The following ZFP91 variants were observed in gnomAD, a reference collection of about 807,000 sequenced individuals.
The protein encoded by ZFP91 is E3 ubiquitin-protein ligase ZFP91.
Under a neutral mutation model 63.5 loss-of-function variants are expected in ZFP91, and 7 were observed. The observed-to-expected ratio is 0.11, with a 90% CI of 0.06 to 0.21. The LOEUF (loss-of-function observed/expected upper bound fraction) is 0.21. Among genes scored for constraint, ZFP91 ranks in the 10% least tolerant of loss-of-function variants. The pLI, the probability that ZFP91 is intolerant of heterozygous loss-of-function variation, is 1.00. For missense variants in ZFP91, 628 were observed against 736.6 expected (o/e 0.85, Z 1.71); for synonymous variants, 330 against 272.1 (o/e 1.21, Z -2.10).
Position 58,621,357 on chromosome 11 carries a change from C to T in ZFP91, c.*3651C>T, listed in dbSNP as rs754446215. ...GAGGTTAATTTTACCCTGATAATGA[C>T]AAAACCTTGATAGCATTTAATATTA... On this transcript the variant is annotated 3_prime_UTR_variant, in exon 11 of 11. Coordinates refer to ENST00000316059, the MANE Select transcript of ZFP91 (RefSeq NM_053023.5). Among the ~76,000 whole-genome samples the T allele has an allele frequency of 3.9e-5, 6 of 152,154 alleles. No individual in the cohort carries two copies. Among genetic ancestry groups the T allele is most frequent in the Non-Finnish European group, 8.8e-5 (6 of 68,022 alleles).
intron 1 of ZFP91, among the ~76,000 whole-genome samples, chr11:58,580,797 CA>C: frequency 6.6e-6 from 1 of 152,280 alleles, no homozygotes; most frequent in Middle Eastern, 3.4e-3. Context: ...GCTAAGTTAA[CA>C]TAATTTAGAG....
At chr11:58,579,716 G>T in intron 1 of ZFP91, 94 bp downstream of exon 1, 5 of 1,224,436 alleles carry the variant, frequency 4.1e-6, no homozygotes, top group South Asian at 1.7e-5. Flanking sequence ...GTGACATCCT[G>T]CCTGGTCTGC....
intron 9 of ZFP91, among the ~76,000 whole-genome samples, chr11:58,615,367 A>C (rs1426267086): frequency 6.6e-6 from 1 of 152,112 alleles, no homozygotes; most frequent in Non-Finnish European, 1.5e-5. Flanking sequence ...ATACTGTTTT[A>C]TGCCATAGAA....
chr11:58,619,557 A>G lies in ZFP91; in HGVS notation c.*1851A>G, dbSNP rs1264170374. The G allele has an allele frequency of 2.6e-5, 4 of 152,530 alleles. No homozygotes were observed. The highest frequency in any genetic ancestry group is 7.2e-5 in the African/African-American group (3 of 41,412). The allele number at this position is 152,530 out of a possible 1,614,324, so 9.4% of individuals were successfully genotyped here. A position where few individuals can be genotyped will look rare whatever the true frequency, so the allele number is the denominator to read the frequency against. On this transcript the variant is annotated 3_prime_UTR_variant, in exon 11 of 11. Transcript: ENST00000316059. ...TTTTCAAAGAATTCTTTTTTCCCAA[A>G]AAGAGGAGTAACAAAATGTCATTTC...
chr11:58,609,900 A>T lies in ZFP91; in HGVS notation c.441A>T (p.Arg147Ser). 6.2e-7 allele frequency: 1 copy of T among 1,614,178 alleles called. No individual in the cohort carries two copies. The highest frequency in any genetic ancestry group is 1.1e-5 in the South Asian group (1 of 91,080). Reference sequence around the variant, plus strand: ...AGGAAGTTTCCATTGCTGCATCTAGACCTAGCCGGGGCTGGCGTAGTAGTA... The same window carrying T: ...AGGAAGTTTCCATTGCTGCATCTAGTCCTAGCCGGGGCTGGCGTAGTAGTA... ...LPQEVSIAAS[R>S]PSRGWRSSRT... is the part of the protein sequence containing the mutation. The change falls in exon 3 of 11, where the codon AGA becomes AGT. Residue 147 changes from arginine to serine, a missense_variant. Arg to Ser is a moderately radical substitution (Grantham distance 110). Coordinates refer to ENST00000316059, the MANE Select transcript of ZFP91 (RefSeq NM_053023.5).
intron 2 of ZFP91, among the ~76,000 whole-genome samples, chr11:58,593,351 T>A (rs1855340754): frequency 6.6e-6 from 1 of 152,212 alleles, no homozygotes; most frequent in Admixed American, 6.5e-5. Flanking sequence ...TAGGCTACAA[T>A]AAATTTATAC....
chr11:58,579,584 CCCGTCT>C lies in ZFP91; in HGVS notation c.306_311del (p.Ser103_Pro104del), dbSNP rs1855056975. 1.3e-6 allele frequency: 2 copies of C among 1,582,356 alleles called. No homozygotes were observed. Among genetic ancestry groups the C allele is most frequent in the South Asian group, 1.1e-5 (1 of 88,746 alleles). ...GGCAGCAGCCCCAGGCCGCGAAGTC[CCCGTCT>C]CCAGTTCAGGGCAAGAAGAGTCCGC... On this transcript the variant is annotated inframe_deletion, in exon 1 of 11. Transcript: ENST00000316059.
rs557395119 is a variant in ZFP91, at chr11:58,608,913, T to C, written c.371-917T>C. On this transcript the variant is annotated intron_variant, in intron 2 of 10. Coordinates refer to ENST00000316059, the MANE Select transcript of ZFP91 (RefSeq NM_053023.5). ...CCACTGAGCCCGGCCTGTTAGTTCC[T>C]ATTTTTCTATTGGGTTATTAGACTT... Among the ~76,000 whole-genome samples, 101 of 152,344 alleles carry C rather than the reference T, an allele frequency of 6.6e-4. 1 individual carries two copies. Among genetic ancestry groups the C allele is most frequent in the African/African-American group, 2.4e-3 (99 of 41,588 alleles).
At chr11:58,595,394 T>C (rs898838531) in intron 2 of ZFP91, among the ~76,000 whole-genome samples, 12 of 152,178 alleles carry the variant, frequency 7.9e-5, no homozygotes, top group Admixed American at 2.0e-4. Context: ...TTGATTATGT[T>C]AGAATGGCCC....
rs1164479714 is a variant in ZFP91 at position 58,617,790 on chromosome 11, A to C, written c.*84A>C. 12 of 1,435,612 alleles carry C rather than the reference A, an allele frequency of 8.4e-6. No individual in the cohort carries two copies. The highest frequency in any genetic ancestry group is 1.0e-5 in the Non-Finnish European group (11 of 1,101,084). The allele number at this position is 1,435,612 out of a possible 1,614,324, so 88.9% of individuals were successfully genotyped here. On this transcript the variant is annotated 3_prime_UTR_variant, in exon 11 of 11. Coordinates refer to ENST00000316059, the MANE Select transcript of ZFP91 (RefSeq NM_053023.5). This position sits in a 1 kb window ranked among gnomAD's most constrained non-coding sequence, Gnocchi z 4.2. ...GACAAAAAAAAAATCTAAAGCATTT[A>C]AAATCTAGTGAAATAACTGAAGGGC...
chr11:58,610,896 C>T, intron 4 of ZFP91, 54 bp from the exon 5 acceptor site: 5 of 1,541,120 alleles, frequency 3.2e-6, no homozygotes, highest in South Asian at 1.1e-5. Flanking sequence ...ATAAAATCCC[C>T]TCAGACATGT....
chr11:58,594,355 C>A (rs1855360824), intron 2 of ZFP91, among the ~76,000 whole-genome samples: 1 of 152,172 alleles, frequency 6.6e-6, no homozygotes, highest in Non-Finnish European at 1.5e-5. Flanking sequence ...TTTATTTAAA[C>A]TTAAATGTTG....
chr11:58,603,702 A>G (rs1000620672), intron 2 of ZFP91, among the ~76,000 whole-genome samples: 1 of 152,176 alleles, frequency 6.6e-6, no homozygotes, highest in South Asian at 2.1e-4. Context: ...TCCCCAGTGG[A>G]CTCAGAGTAC....
intron 2 of ZFP91, among the ~76,000 whole-genome samples, chr11:58,609,243 C>T (rs1051046085): frequency 5.3e-5 from 8 of 152,278 alleles, no homozygotes; most frequent in African/African-American, 1.9e-4. Context: ...TGTGTGTGCT[C>T]CTGTACACAA....
At chr11:58,582,805 A>C (rs1855141569) in intron 1 of ZFP91, among the ~76,000 whole-genome samples, 1 of 152,198 alleles carries the variant, frequency 6.6e-6, no homozygotes, top group Non-Finnish European at 1.5e-5. Flanking sequence ...TTCTTTTCAC[A>C]ATGAACTATT....
At chr11:58,606,045 A>C (rs1024372239) in intron 2 of ZFP91, among the ~76,000 whole-genome samples, 2 of 151,886 alleles carry the variant, frequency 1.3e-5, no homozygotes, top group East Asian at 3.9e-4. Context: ...TCTCAGCTCT[A>C]GAATTTTTTT....
Position 58,579,553 on chromosome 11 carries a change from T to C in ZFP91, c.272T>C (p.Val91Ala). 1.3e-6 allele frequency: 2 copies of C among 1,583,560 alleles called. No individual in the cohort carries two copies. The highest frequency in any genetic ancestry group is 2.5e-5 in the East Asian group (1 of 40,434). ...RSSPSARPPD[V>A]PGQQPQAAKS... ...AGCCCCAGCGCCAGGCCTCCCGACG[T>C]CCCCGGGCAGCAGCCCCAGGCCGCG... Residue 91 changes from valine to alanine, a missense_variant, in exon 1 of 11, where the codon GTC (valine) becomes GCC (alanine). By Grantham distance (64) the Val-to-Ala change is moderately conservative. Transcript: ENST00000316059.
chr11:58,581,968 G>A (rs1855124883), intron 1 of ZFP91, among the ~76,000 whole-genome samples: 1 of 152,160 alleles, frequency 6.6e-6, no homozygotes, highest in South Asian at 2.1e-4. Context: ...ATTATCTCTT[G>A]ACTGTGTTTT....
intron 2 of ZFP91, among the ~76,000 whole-genome samples, chr11:58,607,340 C>G (rs1855584925): frequency 6.6e-6 from 1 of 152,008 alleles, no homozygotes; most frequent in South Asian, 2.1e-4. Context: ...TCTAGGTGTC[C>G]TTAGCTAACC....
Sources: gnomAD v4.1 joint callset for allele counts (sites outside exome capture counted in the v4.1 genomes callset) on GRCh38, gnomAD v4.1.1 for gene constraint, Gnocchi (gnomAD v3.1) non-coding constraint, MANE v1.5 for transcripts, NCBI Gene and HGNC (gene_info 2026-07-23, HGNC 2026-07-21) for gene names.